KSR2: variants seen among roughly 807,000 people sequenced by gnomAD.
KSR2 encodes kinase suppressor of ras 2.
A neutral mutation model predicts 107.8 loss-of-function variants in KSR2; 25 were observed. That is an observed-to-expected ratio of 0.23 (90% CI 0.17 to 0.32). The LOEUF is 0.32. Ranked by LOEUF, KSR2 falls within the 10% of genes least tolerant of loss-of-function variation. The probability of loss-of-function intolerance (pLI) is 1.00; values close to 1 mark genes in which losing one functional copy is unlikely to be tolerated. For missense variants in KSR2, 887 were observed against 1,268.9 expected, an observed-to-expected ratio of 0.70 and a Z score of 4.57; for synonymous variants, 480 against 507.0, an observed-to-expected ratio of 0.95 and a Z score of 0.71.
chr12:117,908,792 C>T (rs2137420594), intron 1 of KSR2, among the ~76,000 whole-genome samples: 1 of 152,302 alleles, frequency 6.6e-6, no homozygotes, highest in Non-Finnish European at 1.5e-5. Flanking sequence ...TCAAATATGT[C>T]ACACTCAAGT....
intron 5 of KSR2, among the ~76,000 whole-genome samples, chr12:117,631,086 G>A (rs1157210185): frequency 1.3e-5 from 2 of 152,116 alleles, no homozygotes; most frequent in African/African-American, 2.4e-5. Flanking sequence ...GGGAGGCTGA[G>A]GCCAGGAGCT....
chr12:117,709,611 C>T (rs1425845740), intron 4 of KSR2, among the ~76,000 whole-genome samples: 1 of 152,196 alleles, frequency 6.6e-6, no homozygotes, highest in Non-Finnish European at 1.5e-5. Context: ...AGCCACTGTG[C>T]CTGGCAGCTC....
chr12:117,740,582 T>TATTC (rs1450238232), intron 4 of KSR2, among the ~76,000 whole-genome samples: 20 of 79,654 alleles, frequency 2.5e-4, no homozygotes, highest in South Asian at 1.3e-3. Context: ...ATATATTATA[T>TATTC]ATGTACTATA....
At chr12:117,760,001 T>C (rs896032830) in intron 4 of KSR2, among the ~76,000 whole-genome samples, 1 of 152,156 alleles carries the variant, frequency 6.6e-6, no homozygotes, top group Admixed American at 6.5e-5. Context: ...CCCAGCTACT[T>C]GGGAGGCTGA....
At chr12:117,718,924 T>C (rs7974836) in intron 4 of KSR2, among the ~76,000 whole-genome samples, 61,743 of 151,890 alleles carry the variant, frequency 0.41, 12,716 homozygotes, top group Middle Eastern at 0.49. Flanking sequence ...TCACTATCTC[T>C]CTAAAAGGAG....
At chr12:117,794,642 GCA>G (rs988903698) in intron 3 of KSR2, among the ~76,000 whole-genome samples, 17 of 139,046 alleles carry the variant, frequency 1.2e-4, no homozygotes, top group African/African-American at 4.7e-4. Context: ...ACACCAATAT[GCA>G]CACTCAAAAC....
chr12:117,557,056 T>G (rs1007714419), intron 8 of KSR2, among the ~76,000 whole-genome samples: 3 of 151,856 alleles, frequency 2.0e-5, no homozygotes, highest in African/African-American at 7.3e-5. Context: ...TTTCAGCTAC[T>G]CAGGAGGCTG....
chr12:117,512,276 C>A (rs941606340), intron 14 of KSR2, among the ~76,000 whole-genome samples: 9 of 152,204 alleles, frequency 5.9e-5, no homozygotes, highest in Non-Finnish European at 1.0e-4. Context: ...CCTTGCTGGA[C>A]ACTGAGTGTC....
intron 3 of KSR2, among the ~76,000 whole-genome samples, chr12:117,853,596 C>T (rs1892997928): frequency 6.6e-6 from 1 of 152,142 alleles, no homozygotes; most frequent in Non-Finnish European, 1.5e-5. Flanking sequence ...CCCACCTTGG[C>T]CTCCCAAAGT....
At chr12:117,634,721 C>T (rs888153258) in intron 5 of KSR2, among the ~76,000 whole-genome samples, 4 of 152,186 alleles carry the variant, frequency 2.6e-5, no homozygotes, top group Non-Finnish European at 5.9e-5. Flanking sequence ...CCAGAGATGA[C>T]TGGCCTGTCC....
At chr12:117,607,812 G>A (rs987572425) in intron 5 of KSR2, among the ~76,000 whole-genome samples, 1 of 152,224 alleles carries the variant, frequency 6.6e-6, no homozygotes, top group Admixed American at 6.5e-5. Context: ...AGACAGGTGT[G>A]ACAGGAGGGC....
chr12:117,641,949 C>T (rs773954243), intron 5 of KSR2, among the ~76,000 whole-genome samples: 2 of 152,290 alleles, frequency 1.3e-5, no homozygotes, highest in South Asian at 2.1e-4. Context: ...CAGAATCTTC[C>T]GTGTTCCTGA....
intron 1 of KSR2, among the ~76,000 whole-genome samples, chr12:117,911,157 T>TTCTCTCTC (rs113047651): frequency 2.8e-5 from 4 of 144,266 alleles, no homozygotes; most frequent in Admixed American, 1.4e-4. Context: ...CACACATTCT[T>TTCTCTCTC]TCTCTCTCTC....
At chr12:117,870,033 C>G (rs1421154347) in intron 1 of KSR2, among the ~76,000 whole-genome samples, 1 of 152,192 alleles carries the variant, frequency 6.6e-6, no homozygotes, top group Admixed American at 6.5e-5. Context: ...AATGGGAGCA[C>G]CAGGGTGTGA....
chr12:117,661,601 C>T (rs1884434806), intron 5 of KSR2, among the ~76,000 whole-genome samples: 1 of 152,172 alleles, frequency 6.6e-6, no homozygotes, highest in Non-Finnish European at 1.5e-5. Context: ...TGCCATATAA[C>T]CCGGGGATTC....
chr12:117,910,514 G>T (rs1485873363), intron 1 of KSR2, among the ~76,000 whole-genome samples: 2 of 152,102 alleles, frequency 1.3e-5, no homozygotes, highest in Non-Finnish European at 2.9e-5. Context: ...AATCAGAGTT[G>T]AATGAAAGCA....
At chr12:117,741,596 AG>A (rs1888223998) in intron 4 of KSR2, among the ~76,000 whole-genome samples, 1 of 152,142 alleles carries the variant, frequency 6.6e-6, no homozygotes, top group Non-Finnish European at 1.5e-5. Context: ...TGAGTCCAGA[AG>A]TGGGGATTAC....
At chr12:117,514,544 C>CTCTT (rs763553867) in intron 14 of KSR2, among the ~76,000 whole-genome samples, 15 of 130,080 alleles carry the variant, frequency 1.2e-4, no homozygotes, top group Admixed American at 3.9e-4. Flanking sequence ...CTCTCTCTCT[C>CTCTT]TTTTTTTTTT....
intron 5 of KSR2, among the ~76,000 whole-genome samples, chr12:117,655,399 G>T (rs1235331177): frequency 6.6e-6 from 1 of 152,172 alleles, no homozygotes; most frequent in Non-Finnish European, 1.5e-5. Flanking sequence ...GCCTTTTGAA[G>T]TCACAATTAC....
Sources: gnomAD v4.1 joint callset for allele counts (sites outside exome capture counted in the v4.1 genomes callset) on GRCh38, gnomAD v4.1.1 for gene constraint, MANE v1.5 for transcripts, NCBI Gene and HGNC (gene_info 2026-07-23, HGNC 2026-07-21) for gene names.